The following ROS1 variants were observed in gnomAD, a reference collection of about 807,000 sequenced individuals.
ROS1 encodes proto-oncogene tyrosine-protein kinase ROS.
A neutral mutation model predicts 273.5 loss-of-function variants in ROS1; 263 were observed. The ratio of observed to expected loss-of-function variants is 0.96; its 90% CI spans 0.87 to 1.06. The LOEUF (loss-of-function observed/expected upper bound fraction) is 1.06. ROS1 is among the 50% of genes least tolerant of loss of function. The probability of loss-of-function intolerance (pLI) is 0.00; values close to 1 mark genes in which losing one functional copy is unlikely to be tolerated. For synonymous variants in ROS1, 1,008 were observed against 954.1 expected (o/e 1.06, Z -1.04); for missense variants, 2,833 against 2,751.1 (o/e 1.03, Z -0.67).
chr6:117,350,497 A>C (rs1338948863), intron 27 of ROS1, among the ~76,000 whole-genome samples: 1 of 151,684 alleles, frequency 6.6e-6, no homozygotes, highest in Non-Finnish European at 1.5e-5. Context: ...GTATTCTTTG[A>C]GCTTCCCATA....
At chr6:117,332,798 G>T (rs1031606291) in intron 32 of ROS1, among the ~76,000 whole-genome samples, 8 of 152,160 alleles carry the variant, frequency 5.3e-5, no homozygotes, top group African/African-American at 1.7e-4. Context: ...TGAAACAAAT[G>T]AGAACAGAGA....
chr6:117,362,206 C>T (rs1269467438), intron 22 of ROS1, among the ~76,000 whole-genome samples: 2 of 152,076 alleles, frequency 1.3e-5, no homozygotes, highest in African/African-American at 4.8e-5. Context: ...CAAGCAATCC[C>T]CTCTTGCCTC....
chr6:117,419,142 A>G (rs1442330170), intron 1 of ROS1, among the ~76,000 whole-genome samples: 1 of 152,190 alleles, frequency 6.6e-6, no homozygotes, highest in East Asian at 1.9e-4. Flanking sequence ...TGCTAGAGAG[A>G]AGAGAGCAGC....
chr6:117,318,353 T>C (rs1324254158), intron 37 of ROS1, 101 bp from the exon 38 acceptor site: 4 of 844,764 alleles, frequency 4.7e-6, no homozygotes, highest in South Asian at 1.4e-5. Flanking sequence ...ATATCTACCC[T>C]GAAAGCTGGA....
intron 37 of ROS1, among the ~76,000 whole-genome samples, chr6:117,318,833 T>A (rs1287396860): frequency 6.6e-6 from 1 of 152,152 alleles, no homozygotes; most frequent in Non-Finnish European, 1.5e-5. Context: ...GAAGATGTGA[T>A]GCTTGCTTCT....
intron 27 of ROS1, among the ~76,000 whole-genome samples, chr6:117,345,420 T>G: frequency 6.6e-6 from 1 of 152,206 alleles, no homozygotes; most frequent in East Asian, 1.9e-4. Flanking sequence ...GTGATTTTGG[T>G]TTTGGTTTTC....
intron 1 of ROS1, among the ~76,000 whole-genome samples, chr6:117,420,236 C>T (rs2128748332): frequency 6.6e-6 from 1 of 151,982 alleles, no homozygotes; most frequent in South Asian, 2.1e-4. Flanking sequence ...TCACATTTTT[C>T]ATTTTGAACA....
In ROS1 at chr6:117,365,150, G is replaced by A. The variant is rs200278757; in HGVS notation, c.3013C>T (p.Pro1005Ser). 6.2e-7 allele frequency: 1 copy of A among 1,613,120 alleles called. No individual in the cohort carries two copies. The highest frequency in any genetic ancestry group is 1.1e-5 in the South Asian group (1 of 91,044). ...ACAGAAAGATTAAATAAGGCATAAGGTTCCAGTCCTTCCACAGTAAATACA... is the reference window on the plus strand; with the variant it reads ...ACAGAAAGATTAAATAAGGCATAAGATTCCAGTCCTTCCACAGTAAATACA... ...LPVFTVEGLE[P>S]YALFNLSVTP... Residue 1005 changes from proline (P) to serine (S), a missense_variant, in exon 21 of 44, where the codon CCT becomes TCT. Pro to Ser is a moderately conservative substitution (Grantham distance 74, BLOSUM62 -1). Transcript: ENST00000368507.
chr6:117,384,905 T>C (rs189379537), intron 16 of ROS1, among the ~76,000 whole-genome samples: 3 of 152,334 alleles, frequency 2.0e-5, no homozygotes, highest in Non-Finnish European at 4.4e-5. Flanking sequence ...AGTGGCCAGC[T>C]TCTGTGCCTA....
chr6:117,310,481 C>T (rs183812658), intron 40 of ROS1, among the ~76,000 whole-genome samples, 200 bp from the exon 41 acceptor site: 2 of 151,572 alleles, frequency 1.3e-5, no homozygotes, highest in South Asian at 4.2e-4. Flanking sequence ...ACCTATCAAC[C>T]TGTCATCTAG....
chr6:117,362,777 C>T lies in ROS1; in HGVS notation c.3192G>A (p.Trp1064Ter). The change falls in exon 22 of 44, where the codon TGG (tryptophan) becomes TGA (stop). Residue 1064 changes from tryptophan (W) to a stop codon, truncating the protein, a stop_gained. Transcript: ENST00000368507. LOFTEE classifies it high-confidence loss of function. ...NKNEVVVEFR[W>*]NKPKHENGVL... Reference sequence around the variant, plus strand: ...CCCCATTTTCATGCTTAGGTTTGTTCCACCTAAATTCCACCACAACTTCAT... The same window carrying T: ...CCCCATTTTCATGCTTAGGTTTGTTTCACCTAAATTCCACCACAACTTCAT... The T allele has an allele frequency of 6.2e-7, 1 of 1,613,490 alleles. No individual in the cohort carries two copies. Among genetic ancestry groups the T allele is most frequent in the Non-Finnish European group, 8.5e-7 (1 of 1,179,558 alleles).
intron 28 of ROS1, 127 bp downstream of exon 28, chr6:117,343,933 T>C (rs1256860598): frequency 2.9e-6 from 2 of 691,656 alleles, no homozygotes; most frequent in Middle Eastern, 4.0e-4. Flanking sequence ...TGATGAATCA[T>C]TAGCTGTAAA....
At chr6:117,383,934 T>C (rs570480518) in intron 16 of ROS1, among the ~76,000 whole-genome samples, 75 of 152,248 alleles carry the variant, frequency 4.9e-4, no homozygotes, top group Non-Finnish European at 9.0e-4. Context: ...TTATCAATAA[T>C]GTGCCAGGCA....
rs746825529 is a variant in ROS1 at position 117,393,322 on chromosome 6, CT to C, written c.1192-2del. The C allele has an allele frequency of 1.9e-6, 3 of 1,584,534 alleles. No individual in the cohort carries two copies. The highest frequency in any genetic ancestry group is 2.6e-6 in the Non-Finnish European group (3 of 1,155,284). ...AGTTCTCTAAATCACAGACACATACCTAAAAAAATAAAAAATATACCGGTAG... is the reference window on the plus strand; with the variant it reads ...AGTTCTCTAAATCACAGACACATACCAAAAAAATAAAAAATATACCGGTAG... On this transcript the variant is annotated splice_acceptor_variant, in intron 11 of 43. Coordinates refer to ENST00000368507, the MANE Select transcript of ROS1 (RefSeq NM_001378902.1). LOFTEE classifies it high-confidence loss of function.
At chr6:117,324,545 C>T (rs987381338) in intron 34 of ROS1, 130 bp from the exon 35 acceptor site, 3 of 558,008 alleles carry the variant, frequency 5.4e-6, no homozygotes, top group Non-Finnish European at 9.5e-6. Flanking sequence ...GTTGTTAGAC[C>T]GTTGGTAGCT....
chr6:117,295,429 CA>C (rs1774157275), intron 43 of ROS1, among the ~76,000 whole-genome samples: 2 of 152,082 alleles, frequency 1.3e-5, no homozygotes, highest in South Asian at 4.1e-4. Flanking sequence ...TTGGTTGGGG[CA>C]AAAATTTCTT....
intron 7 of ROS1, among the ~76,000 whole-genome samples, chr6:117,400,766 G>A (rs1218707458): frequency 6.6e-6 from 1 of 152,086 alleles, no homozygotes; most frequent in African/African-American, 2.4e-5. Flanking sequence ...CTGACACCTT[G>A]ACCTTCTCCT....
chr6:117,418,400 A>T (rs909428733), intron 2 of ROS1, 62 bp downstream of exon 2: 1 of 1,150,252 alleles, frequency 8.7e-7, no homozygotes, highest in Non-Finnish European at 1.3e-6. Context: ...AAATCTGATC[A>T]TTGTCCCTTC....
At chr6:117,316,578 C>T (rs1028735037) in intron 39 of ROS1, among the ~76,000 whole-genome samples, 2 of 151,860 alleles carry the variant, frequency 1.3e-5, no homozygotes, top group Non-Finnish European at 2.9e-5. Flanking sequence ...ACTGGGGATA[C>T]AAGAGAAGAA....
Sources: gnomAD v4.1 joint callset for allele counts (sites outside exome capture counted in the v4.1 genomes callset) on GRCh38, gnomAD v4.1.1 for gene constraint, MANE v1.5 for transcripts, NCBI Gene and HGNC (gene_info 2026-07-23, HGNC 2026-07-21) for gene names.